The following CTNND2 variants were observed in gnomAD, a reference collection of about 807,000 sequenced individuals.
CTNND2 encodes the protein catenin delta 2.
Under a neutral mutation model 144.4 loss-of-function variants are expected in CTNND2, and 22 were observed. The observed-to-expected ratio is 0.15, with a 90% CI of 0.11 to 0.22. CTNND2 has a LOEUF of 0.22. Among genes scored for constraint, CTNND2 ranks in the 10% least tolerant of loss-of-function variants. The pLI, the probability that CTNND2 is intolerant of heterozygous loss-of-function variation, is 1.00. For synonymous variants in CTNND2, 751 were observed against 695.6 expected (o/e 1.08, Z -1.25); for missense variants, 1,353 against 1,618.8 (o/e 0.84, Z 2.82).
At chr5:11,637,008 A>G (rs980259066) in intron 2 of CTNND2, among the ~76,000 whole-genome samples, 1 of 152,212 alleles carries the variant, frequency 6.6e-6, no homozygotes, top group African/African-American at 2.4e-5. Flanking sequence ...GGTTACCAGC[A>G]TGAAAAGGAG....
chr5:11,640,437 T>A (rs778661361), intron 2 of CTNND2, among the ~76,000 whole-genome samples: 11 of 152,192 alleles, frequency 7.2e-5, no homozygotes, highest in Non-Finnish European at 1.5e-5. Flanking sequence ...TGCCACACAC[T>A]GGGTACAAAT....
At chr5:11,322,268 T>C (rs1388950850) in intron 9 of CTNND2, among the ~76,000 whole-genome samples, 1 of 152,178 alleles carries the variant, frequency 6.6e-6, no homozygotes, top group East Asian at 1.9e-4. Context: ...ACTTCATGTG[T>C]TGCAGTACTG....
intron 11 of CTNND2, among the ~76,000 whole-genome samples, chr5:11,163,162 A>G (rs1758964560): frequency 6.6e-6 from 1 of 152,188 alleles, no homozygotes; most frequent in Non-Finnish European, 1.5e-5. Flanking sequence ...ATTTGTGACC[A>G]ATGAAACATG....
chr5:11,512,979 T>A (rs1457512404), intron 3 of CTNND2, among the ~76,000 whole-genome samples: 1 of 152,228 alleles, frequency 6.6e-6, no homozygotes, highest in African/African-American at 2.4e-5. Flanking sequence ...CTCTGCACCA[T>A]GAAACTTGCC....
chr5:11,801,762 C>A (rs6554642), intron 1 of CTNND2, among the ~76,000 whole-genome samples: 134,588 of 152,190 alleles, frequency 0.88, 61,587 homozygotes, highest in East Asian at 1. Context: ...CTATAGCATC[C>A]AATAACTGGA....
At position 11,757,188 on chromosome 5, in the gene CTNND2, T is replaced by TAC. The variant is rs563093688; in HGVS notation, c.38-24918_38-24917dup. On this transcript the variant is annotated intron_variant, in intron 1 of 21. Transcript: ENST00000304623. The stretch of plus-strand genomic sequence containing the variant: ...ACACACAAATCGATATACACACATA[T>TAC]ACACACACACACACATAACAAAAAT... Among the ~76,000 whole-genome samples the TAC allele has an allele frequency of 7.3e-3, 1,095 of 150,318 alleles. 6 individuals carry two copies. The highest frequency in any genetic ancestry group is 0.025 in the African/African-American group (1,031 of 41,074).
At chr5:11,828,187 T>G (rs913598609) in intron 1 of CTNND2, among the ~76,000 whole-genome samples, 5 of 152,176 alleles carry the variant, frequency 3.3e-5, no homozygotes, top group African/African-American at 1.2e-4. Context: ...TTTCCTGTGC[T>G]GTTCCCGTGA....
rs560192865 is a variant in CTNND2, at chr5:11,038,352, G to C, written c.2789-15373C>G. Among the ~76,000 whole-genome samples the C allele has an allele frequency of 9.8e-5, 15 of 152,298 alleles. No homozygotes were observed. The East Asian group carries it at 2.9e-3, about 29-fold the overall frequency. On this transcript the variant is annotated intron_variant, in intron 16 of 21. Coordinates refer to ENST00000304623, the MANE Select transcript of CTNND2 (RefSeq NM_001332.4). ...TCATTAGATTCTTACAGGAGTGTGA[G>C]CCCTATTGTGAACAATGCATGTGAA...
chr5:11,783,904 C>T (rs888673083), intron 1 of CTNND2, among the ~76,000 whole-genome samples: 1 of 152,154 alleles, frequency 6.6e-6, no homozygotes, highest in South Asian at 2.1e-4. Context: ...AGATGTCTCT[C>T]GATGGCACCC....
intron 11 of CTNND2, among the ~76,000 whole-genome samples, chr5:11,180,950 T>G (rs1380532310): frequency 6.6e-6 from 1 of 151,992 alleles, no homozygotes; most frequent in Admixed American, 6.6e-5. Context: ...GCTGACAGAG[T>G]CTACTAGTAT....
At chr5:11,767,171 T>C (rs1241951801) in intron 1 of CTNND2, among the ~76,000 whole-genome samples, 1 of 152,230 alleles carries the variant, frequency 6.6e-6, no homozygotes, top group Non-Finnish European at 1.5e-5. Flanking sequence ...GCTAAGCACA[T>C]GTGAGGGGCA....
At chr5:11,630,128 T>C (rs1781344192) in intron 2 of CTNND2, among the ~76,000 whole-genome samples, 1 of 152,174 alleles carries the variant, frequency 6.6e-6, no homozygotes, top group East Asian at 1.9e-4. Flanking sequence ...AACATTGTGC[T>C]TCTTAGTCCT....
chr5:11,532,347 A>C lies in CTNND2; in HGVS notation c.287+32597T>G, dbSNP rs79187030. Among the ~76,000 whole-genome samples, 133 of 144,388 alleles carry C rather than the reference A, an allele frequency of 9.2e-4. 1 individual carries two copies. The East Asian group carries it at 0.019, about 20-fold the overall frequency. 94.7% of individuals were successfully genotyped at this position (144,388 alleles called of 152,430 possible). A position where few individuals can be genotyped will look rare whatever the true frequency, so the allele number is the denominator to read the frequency against. On this transcript the variant is annotated intron_variant, in intron 3 of 21. Coordinates refer to ENST00000304623, the MANE Select transcript of CTNND2 (RefSeq NM_001332.4). ...TATTGGCCTCAAGAACATCCCCAAT[A>C]AACTATTCTCCGTATCTTAGTCGGT...
intron 2 of CTNND2, among the ~76,000 whole-genome samples, chr5:11,631,941 G>A (rs1255680384): frequency 6.6e-6 from 1 of 152,160 alleles, no homozygotes; most frequent in African/African-American, 2.4e-5. Context: ...TTGCCTGGGA[G>A]GACAGGCAAG....
chr5:11,881,528 C>T (rs569305618), intron 1 of CTNND2, among the ~76,000 whole-genome samples: 5 of 151,988 alleles, frequency 3.3e-5, no homozygotes, highest in East Asian at 3.9e-4. Flanking sequence ...TAAGAACATG[C>T]GGTGTTTGTA....
chr5:11,636,101 A>G (rs979654558), intron 2 of CTNND2, among the ~76,000 whole-genome samples: 3 of 148,086 alleles, frequency 2.0e-5, no homozygotes, highest in Non-Finnish European at 4.4e-5. Context: ...AAGAAAACTG[A>G]GGAAAACCCA....
chr5:11,333,310 C>G (rs144079421), intron 9 of CTNND2, among the ~76,000 whole-genome samples: 4,012 of 152,124 alleles, frequency 0.026, 150 homozygotes, highest in African/African-American at 0.09. Flanking sequence ...GTTGCCCAGG[C>G]TGGAGTGCAG....
chr5:11,319,722 T>C (rs1751846224), intron 9 of CTNND2, among the ~76,000 whole-genome samples: 1 of 152,172 alleles, frequency 6.6e-6, no homozygotes, highest in Non-Finnish European at 1.5e-5. Flanking sequence ...GGTTTCACCA[T>C]GTTGGCCACG....
At chr5:11,714,085 G>T (rs1211427459) in intron 2 of CTNND2, among the ~76,000 whole-genome samples, 1 of 152,142 alleles carries the variant, frequency 6.6e-6, no homozygotes, top group African/African-American at 2.4e-5. Flanking sequence ...TGTGAGTGAT[G>T]GCTTAATTTA....
Sources: gnomAD v4.1 joint callset for allele counts (sites outside exome capture counted in the v4.1 genomes callset) on GRCh38, gnomAD v4.1.1 for gene constraint, MANE v1.5 for transcripts, NCBI Gene and HGNC (gene_info 2026-07-23, HGNC 2026-07-21) for gene names.